The following AHNAK variants were observed in gnomAD, a reference collection of about 807,000 sequenced individuals.
AHNAK encodes neuroblast differentiation-associated protein AHNAK.
In AHNAK, 23 loss-of-function variants were observed where a neutral mutation model predicts 37.8. The ratio of observed to expected loss-of-function variants is 0.61; its 90% confidence interval spans 0.44 to 0.86. The LOEUF is 0.86. AHNAK is among the 40% of genes least tolerant of loss of function. The pLI, the probability that AHNAK is intolerant of heterozygous loss-of-function variation, is 0.00. For missense variants in AHNAK, 7,411 were observed against 7,319.4 expected (o/e 1.01, Z -0.46); for synonymous variants, 2,481 against 2,636.3 (o/e 0.94, Z 1.80).
At chr11:62,488,565 AT>A (rs57544040) in intron 5 of AHNAK, among the ~76,000 whole-genome samples, 569 of 133,846 alleles carry the variant, frequency 4.3e-3, no homozygotes, top group Admixed American at 4.1e-3. Context: ...TGCCCAGCTA[AT>A]TTTTTTTTTT....
At chr11:62,447,010 A>T (rs910867614) in intron 5 of AHNAK, among the ~76,000 whole-genome samples, 1 of 150,210 alleles carries the variant, frequency 6.7e-6, no homozygotes, top group Admixed American at 6.7e-5. Flanking sequence ...ATTCCTAAGC[A>T]CCCCCTCCCC....
Position 62,535,110 on chromosome 11 carries a change from G to T in AHNAK, c.235C>A (p.His79Asn). The T allele has an allele frequency of 6.2e-7, 1 of 1,614,014 alleles. No individual in the cohort carries two copies. The highest frequency in any genetic ancestry group is 8.5e-7 in the Non-Finnish European group (1 of 1,179,916). Residue 79 changes from histidine (H) to asparagine (N), a missense_variant, in exon 4 of 5, where the codon CAC becomes AAC. By Grantham distance (68) the His-to-Asn change is moderately conservative. Coordinates refer to ENST00000378024, the MANE Select transcript of AHNAK (RefSeq NM_001620.3). ...EVTQLLNTMG[H>N]HTVGLKLHRK... ...TGCAGCTTCAGGCCCACCGTGTGGT[G>T]CCCCATGGTGTTCAGCAGCTGGGTC...
intron 5 of AHNAK, among the ~76,000 whole-genome samples, chr11:62,441,980 G>A (rs1279116572): frequency 3.9e-5 from 6 of 152,022 alleles, no homozygotes; most frequent in Non-Finnish European, 8.8e-5. Context: ...GTCACAAGTC[G>A]GCGCAAATCA....
downstream of AHNAK, among the ~76,000 whole-genome samples, chr11:62,515,415 G>A (rs1459557871): frequency 2.0e-5 from 3 of 152,218 alleles, no homozygotes; most frequent in African/African-American, 7.2e-5. Flanking sequence ...TACTCGGGAG[G>A]CTGAGGCAGG....
chr11:62,519,296 CCT>C lies in AHNAK; in HGVS notation c.15119_15120del (p.Gln5040ArgfsTer3). On this transcript the variant is annotated frameshift_variant, in exon 5 of 5. Transcript: ENST00000378024. LOFTEE classifies it low-confidence loss of function (END_TRUNC). ...CCCCCAGGAACATTCAGGTCAAATC[CCT>C]GTTTTTTGGCCTTAATCTTAGGACC... ...MSGPKIKAKK[Q>X]GFDLNVPGGE... The C allele has an allele frequency of 6.2e-7, 1 of 1,614,112 alleles. No individual in the cohort carries two copies.
Position 62,477,224 on chromosome 11 carries a change from A to C in AHNAK, c.442+14508T>G, listed in dbSNP as rs557459735. On this transcript the variant is annotated intron_variant, in intron 5 of 5. Coordinates refer to the AHNAK transcript ENST00000257247. ...GATTTATATGCTACAGGAATGAAAA[A>C]ACTTATTTCTCATTAGCAAAAATGT... 2.0e-5 allele frequency among the ~76,000 whole-genome samples: 3 copies of C among 152,264 alleles called. No homozygotes were observed. In the South Asian group the frequency reaches 6.2e-4, roughly 32 times the overall value.
intron 5 of AHNAK, among the ~76,000 whole-genome samples, chr11:62,452,356 C>T (rs954814453): frequency 1.3e-5 from 2 of 152,128 alleles, no homozygotes; most frequent in South Asian, 2.1e-4. Flanking sequence ...GGATGCAGGC[C>T]GTCCCGCTCT....
chr11:62,539,294 A>G (rs1470675838), intron 1 of AHNAK, among the ~76,000 whole-genome samples: 3 of 152,320 alleles, frequency 2.0e-5, no homozygotes, highest in Middle Eastern at 3.4e-3. Flanking sequence ...ACAGAACTGA[A>G]GCCACTCCTT....
At chr11:62,476,096 C>T (rs1939139615) in intron 5 of AHNAK, among the ~76,000 whole-genome samples, 1 of 152,054 alleles carries the variant, frequency 6.6e-6, no homozygotes, top group African/African-American at 2.4e-5. Flanking sequence ...TGCATTCGGC[C>T]CAGGAACCGC....
intron 5 of AHNAK, among the ~76,000 whole-genome samples, chr11:62,468,404 G>A (rs1216341232): frequency 6.6e-6 from 1 of 151,502 alleles, no homozygotes; most frequent in Non-Finnish European, 1.5e-5. Context: ...TATTCACAGA[G>A]ACAGACTACA....
intron 5 of AHNAK, among the ~76,000 whole-genome samples, chr11:62,479,234 C>T (rs1939214446): frequency 7.7e-6 from 1 of 130,030 alleles, no homozygotes; most frequent in Non-Finnish European, 1.5e-5. Flanking sequence ...ATGGCACGAT[C>T]TCGGCTCACT....
At chr11:62,500,836 A>C (rs1218567848) in intron 4 of AHNAK, among the ~76,000 whole-genome samples, 1 of 152,246 alleles carries the variant, frequency 6.6e-6, no homozygotes, top group Admixed American at 6.5e-5. Context: ...TGAACAAGGC[A>C]GCGTTGAGCT....
chr11:62,504,593 G>A (rs1047430346), intron 4 of AHNAK, among the ~76,000 whole-genome samples: 3 of 152,062 alleles, frequency 2.0e-5, no homozygotes, highest in Non-Finnish European at 4.4e-5. Context: ...GGCCACCGAA[G>A]ACAGAGGACA....
intron 4 of AHNAK, among the ~76,000 whole-genome samples, chr11:62,504,090 G>A (rs1279240671): frequency 6.6e-6 from 1 of 151,932 alleles, no homozygotes; most frequent in African/African-American, 2.4e-5. Context: ...GAACTCAGGA[G>A]GTGGAGGTTG....
chr11:62,478,426 C>A (rs1267136463), intron 5 of AHNAK, among the ~76,000 whole-genome samples: 1 of 152,178 alleles, frequency 6.6e-6, no homozygotes, highest in Non-Finnish European at 1.5e-5. Flanking sequence ...TTGCCCCTAG[C>A]AATGCCTAGA....
In AHNAK at chr11:62,531,366, T is replaced by C. The variant is rs1161767323; in HGVS notation, c.3051A>G (p.Glu1017=). Residue 1017 remains glutamate, a synonymous_variant, in exon 5 of 5, where the codon GAA becomes GAG. Transcript: ENST00000378024. ...TCGCTTTGGACAGGTTCACATCAAA[T>C]TCTGGCCCCTCTCCTTTGAGGCTGG... ...SMPSLKGEGP[E]FDVNLSKANV... 6.2e-7 allele frequency: 1 copy of C among 1,613,872 alleles called. No individual in the cohort carries two copies. Among genetic ancestry groups the C allele is most frequent in the African/African-American group, 1.3e-5 (1 of 74,846 alleles).
chr11:62,473,365 G>A (rs1301618655), intron 5 of AHNAK, among the ~76,000 whole-genome samples: 1 of 120,646 alleles, frequency 8.3e-6, no homozygotes, highest in African/African-American at 3.2e-5. Flanking sequence ...ACTCCAGCTT[G>A]GGCAAAAGGT....
chr11:62,531,008 G>C lies in AHNAK; in HGVS notation c.3409C>G (p.Pro1137Ala). The C allele has an allele frequency of 1.2e-6, 2 of 1,614,138 alleles. No individual in the cohort carries two copies. Among genetic ancestry groups the C allele is most frequent in the Non-Finnish European group, 1.7e-6 (2 of 1,180,028 alleles). ...TCTGGGCCCTCGCCTTTGAGGCTGG[G>C]CATGCTGAACTTGGGCATTTTCATC... ...PKMKMPKFSM[P>A]SLKGEGPEVD... is the part of the protein sequence containing the mutation. Residue 1137 changes from proline (P) to alanine (A), a missense_variant, in exon 5 of 5, where the codon CCC (proline) becomes GCC (alanine). By Grantham distance (27) the Pro-to-Ala change is conservative. Transcript: ENST00000378024.
chr11:62,501,213 C>A (rs978585812), intron 4 of AHNAK, among the ~76,000 whole-genome samples: 1 of 150,726 alleles, frequency 6.6e-6, no homozygotes, highest in African/African-American at 2.4e-5. Flanking sequence ...AAAAAAAAAA[C>A]AATTTTATCC....
Sources: gnomAD v4.1 joint callset for allele counts (sites outside exome capture counted in the v4.1 genomes callset) on GRCh38, gnomAD v4.1.1 for gene constraint, MANE v1.5 for transcripts, NCBI Gene and HGNC (gene_info 2026-07-23, HGNC 2026-07-21) for gene names.